The following ITCH variants were observed in gnomAD, a reference collection of about 807,000 sequenced individuals.
ITCH encodes the protein itchy E3 ubiquitin protein ligase.
ITCH carries 28 observed loss-of-function variants against 126.8 expected under a neutral mutation model. The ratio of observed to expected loss-of-function variants is 0.22; its 90% CI spans 0.16 to 0.30. The LOEUF (loss-of-function observed/expected upper bound fraction) is 0.30, where lower values mean the gene tolerates loss of function less well. ITCH is among the 10% of genes least tolerant of loss of function. ITCH has a pLI of 1.00. For missense variants in ITCH, 631 were observed against 1,032.4 expected (o/e 0.61, Z 5.33); for synonymous variants, 342 against 340.0 (o/e 1.01, Z -0.06).
chr20:34,410,348 C>T (rs751680222), intron 4 of ITCH, among the ~76,000 whole-genome samples: 69 of 149,316 alleles, frequency 4.6e-4, no homozygotes, highest in Non-Finnish European at 8.4e-4. Context: ...GCGTTCCAGC[C>T]AGGGTGACAA....
intron 2 of ITCH, among the ~76,000 whole-genome samples, chr20:34,383,836 CTTTTTTTTT>C (rs745864966): frequency 1.5e-5 from 1 of 68,670 alleles, no homozygotes; most frequent in African/African-American, 5.6e-5. Context: ...GTCTGTAATT[CTTTTTTTTT>C]TTTTTTTTTT....
At chr20:34,507,593 A>G in intron 24 of ITCH, 102 bp from the exon 25 acceptor site, 2 of 867,412 alleles carry the variant, frequency 2.3e-6, no homozygotes, top group Non-Finnish European at 3.8e-6. Context: ...GCACAGTAGT[A>G]TATTTTTGTG....
chr20:34,416,690 A>G (rs1979900467), intron 6 of ITCH, among the ~76,000 whole-genome samples: 1 of 152,168 alleles, frequency 6.6e-6, no homozygotes, highest in South Asian at 2.1e-4. Flanking sequence ...ACTTTTTCCA[A>G]GTGAAACAAA....
chr20:34,395,450 GACTT>G (rs1264443830), intron 3 of ITCH, among the ~76,000 whole-genome samples: 1 of 152,110 alleles, frequency 6.6e-6, no homozygotes, highest in Non-Finnish European at 1.5e-5. Context: ...GACCTTGAGA[GACTT>G]ACTTAGTTCA....
chr20:34,390,708 C>G (rs1349171360), intron 2 of ITCH, among the ~76,000 whole-genome samples: 1 of 151,510 alleles, frequency 6.6e-6, no homozygotes, highest in Admixed American at 6.6e-5. Flanking sequence ...CCTTAGCCTC[C>G]CAAAGTGCTG....
intron 23 of ITCH, among the ~76,000 whole-genome samples, chr20:34,499,272 CTTTTTTTTT>C (rs386393666): frequency 3.9e-4 from 9 of 23,030 alleles, no homozygotes; most frequent in Admixed American, 1.7e-3. Flanking sequence ...CTGTGCCCAG[CTTTTTTTTT>C]TTTTTTTTTT....
At chr20:34,417,084 T>C in intron 6 of ITCH, 1 of 629,498 alleles carries the variant, frequency 1.6e-6, no homozygotes, top group Non-Finnish European at 2.9e-6. Flanking sequence ...TAATTTTAAT[T>C]TGCTATTTAG....
chr20:34,392,530 G>A (rs1180083629), intron 2 of ITCH, among the ~76,000 whole-genome samples: 2 of 152,160 alleles, frequency 1.3e-5, no homozygotes, highest in Admixed American at 6.5e-5. Context: ...GAATTGAGAA[G>A]CCATCATAAT....
At chr20:34,469,948 GGTTAGTAA>G (rs1568977104) in intron 14 of ITCH, 92 bp from the exon 15 acceptor site, 2 of 858,962 alleles carry the variant, frequency 2.3e-6, no homozygotes, top group Non-Finnish European at 4.1e-6. Flanking sequence ...TTTTGAATTT[GGTTAGTAA>G]GTGCTGAGAG....
At chr20:34,495,294 A>AATATATATATATATAT (rs56706640) in intron 23 of ITCH, among the ~76,000 whole-genome samples, 6 of 120,496 alleles carry the variant, frequency 5.0e-5, no homozygotes, top group African/African-American at 1.9e-4. Flanking sequence ...AAATAAATAA[A>AATATATATATATATAT]ATATATATAT....
At chr20:34,380,504 G>A (rs2038016156) in intron 2 of ITCH, among the ~76,000 whole-genome samples, 1 of 149,898 alleles carries the variant, frequency 6.7e-6, no homozygotes. Flanking sequence ...TCAGTTGTAA[G>A]AGTTTATTGT....
intron 12 of ITCH, chr20:34,454,596 A>G (rs1215778502): frequency 6.6e-6 from 1 of 152,194 alleles, no homozygotes; most frequent in Non-Finnish European, 1.5e-5. Context: ...TGACATAGAA[A>G]GTAGCTTTAA....
At chr20:34,475,299 C>T (rs1988090240) in intron 16 of ITCH, among the ~76,000 whole-genome samples, 1 of 152,164 alleles carries the variant, frequency 6.6e-6, no homozygotes, top group Non-Finnish European at 1.5e-5. Flanking sequence ...GAGGCCAAGG[C>T]AGGCGGCTGG....
At chr20:34,478,672 G>A (rs1194447136) in intron 17 of ITCH, among the ~76,000 whole-genome samples, 1 of 152,154 alleles carries the variant, frequency 6.6e-6, no homozygotes, top group African/African-American at 2.4e-5. Flanking sequence ...TAATGACCTA[G>A]TTCAGAGCCT....
At chr20:34,495,291 T>A (rs1272215688) in intron 23 of ITCH, among the ~76,000 whole-genome samples, 2 of 126,964 alleles carry the variant, frequency 1.6e-5, no homozygotes, top group South Asian at 2.5e-4. Context: ...AATAAATAAA[T>A]AAAATATATA....
intron 2 of ITCH, among the ~76,000 whole-genome samples, chr20:34,379,418 C>A (rs922715132): frequency 6.6e-6 from 1 of 152,064 alleles, no homozygotes; most frequent in African/African-American, 2.4e-5. Context: ...GTGACCATTA[C>A]CACTATCGGT....
chr20:34,477,945 T>A, intron 17 of ITCH, 85 bp downstream of exon 17: 2 of 1,557,872 alleles, frequency 1.3e-6, no homozygotes, highest in South Asian at 2.3e-5. Context: ...ATTTTCTCAA[T>A]CTTATATTTT....
intron 7 of ITCH, 135 bp from the exon 8 acceptor site, chr20:34,438,339 T>C (rs1983294519): frequency 1.2e-6 from 1 of 855,262 alleles, no homozygotes; most frequent in African/African-American, 1.7e-5. Context: ...TTAATAAGGC[T>C]GACCAGAAAT....
intron 23 of ITCH, among the ~76,000 whole-genome samples, chr20:34,494,196 C>T (rs181115745): frequency 3.3e-5 from 5 of 152,288 alleles, no homozygotes; most frequent in Non-Finnish European, 5.9e-5. Context: ...TGCCACTGCA[C>T]TCCAGCCTGG....
Sources: allele counts gnomAD v4.1 joint callset (sites outside exome capture counted in the v4.1 genomes callset), GRCh38; gene constraint gnomAD v4.1.1; transcripts MANE v1.5; gene names NCBI Gene and HGNC (gene_info 2026-07-23, HGNC 2026-07-21).